Variants in SELENOW observed in about 807,000 individuals in gnomAD.
The protein encoded by SELENOW is selenoprotein W, also known as selenoprotein W, 1.
Under a neutral mutation model 16.6 loss-of-function variants are expected in SELENOW, and 20 were observed. That is an observed-to-expected ratio of 1.21 (90% CI 0.85 to 1.76). The LOEUF (loss-of-function observed/expected upper bound fraction) is 1.76. Among genes scored for constraint, SELENOW ranks in the 40% most tolerant of loss-of-function variants. The pLI is 0.00. For synonymous variants in SELENOW, 44 were observed against 46.2 expected, an observed-to-expected ratio of 0.95 and a Z score of 0.19; for missense variants, 124 against 111.0, an observed-to-expected ratio of 1.12 and a Z score of -0.53.
intron 1 of SELENOW, 85 bp downstream of exon 1, chr19:47,778,899 G>A: frequency 7.3e-7 from 1 of 1,374,552 alleles, no homozygotes; most frequent in Non-Finnish European, 1.0e-6. Flanking sequence ...CCCGGGGAGA[G>A]GACCCATGGG....
chr19:47,779,198 T>G, intron 1 of SELENOW: 1 of 219,950 alleles, frequency 4.5e-6, no homozygotes, highest in Non-Finnish European at 9.0e-6. Context: ...GTGGGGACAG[T>G]GAGAGCCCAG....
In SELENOW at chr19:47,780,759, G is replaced by A; in HGVS notation, c.54+10G>A. 7 of 1,545,510 alleles carry A rather than the reference G, an allele frequency of 4.5e-6. No homozygotes were observed. The highest frequency in any genetic ancestry group is 5.2e-6 in the Non-Finnish European group (6 of 1,143,040). ...AGGCTACAAGTCCAAGGTAAGCAGAGTGGATGCCCGGGGGGCATTCCTGGG... is the reference window on the plus strand; with the variant it reads ...AGGCTACAAGTCCAAGGTAAGCAGAATGGATGCCCGGGGGGCATTCCTGGG... On this transcript the variant is annotated intron_variant, in intron 2 of 5. Transcript: ENST00000601048.
At chr19:47,782,821 T>G (rs989997508) in intron 5 of SELENOW, 2 of 152,234 alleles carry the variant, frequency 1.3e-5, no homozygotes, top group African/African-American at 2.4e-5. Context: ...GTGCTTGGCC[T>G]CCTTAAGCAC....
chr19:47,780,501 C>T (rs943194369), intron 1 of SELENOW: 33 of 584,110 alleles, frequency 5.6e-5, no homozygotes, highest in Non-Finnish European at 9.2e-5. Flanking sequence ...TGTGTGTCCC[C>T]GCGCCACCCC....
In SELENOW at chr19:47,781,305, G is replaced by A; in HGVS notation, c.199G>A (p.Val67Met). 4 of 1,613,628 alleles carry A rather than the reference G, an allele frequency of 2.5e-6. No individual in the cohort carries two copies. Among genetic ancestry groups the A allele is most frequent in the South Asian group, 1.1e-5 (1 of 91,074 alleles). Residue 67 changes from valine (V) to methionine (M), a missense_variant, in exon 5 of 6, where the codon GTG becomes ATG. Val to Met is a conservative substitution (Grantham distance 21). Transcript: ENST00000601048. Reference sequence around the variant, plus strand: ...CCCTCCCTAGAAAGGCGATGGCTACGTGGACACAGAAAGCAAGTTTCTGAA... The same window carrying A: ...CCCTCCCTAGAAAGGCGATGGCTACATGGACACAGAAAGCAAGTTTCTGAA... ...IHSKKKGDGY[V>M]DTESKFLKLV...
rs769630382 is a variant in SELENOW, at chr19:47,781,159, G to A, written c.160G>A (p.Gly54Arg). ...ATGFFEVMVA[G>R]KLIHSKKKGD... ...CGGGTTCTTTGAAGTGATGGTAGCC[G>A]GGAAGTTGATTCACTCTAAGAAGGT... Residue 54 changes from glycine (G) to arginine (R), a missense_variant, in exon 4 of 6, where the codon GGG becomes AGG. Transcript: ENST00000601048. The A allele has an allele frequency of 6.2e-6, 10 of 1,613,648 alleles. No individual in the cohort carries two copies. Among genetic ancestry groups the A allele is most frequent in the African/African-American group, 4.0e-5 (3 of 74,862 alleles).
intron 1 of SELENOW, chr19:47,780,161 A>G: frequency 2.2e-6 from 1 of 453,594 alleles, no homozygotes; most frequent in Non-Finnish European, 4.4e-6. Flanking sequence ...TAATCTCAGC[A>G]CTTTGGGAGG....
chr19:47,782,362 G>C (rs1343301346), intron 5 of SELENOW: 2 of 152,030 alleles, frequency 1.3e-5, no homozygotes, highest in Non-Finnish European at 2.9e-5. Context: ...CCCTAGAGCT[G>C]ACTCCCAGTT....
intron 1 of SELENOW, chr19:47,780,098 G>A (rs1180311336): frequency 2.0e-5 from 9 of 455,912 alleles, no homozygotes; most frequent in African/African-American, 1.8e-4. Context: ...TGGGGACTGG[G>A]AAGGTGTTCA....
At position 47,781,154 on chromosome 19, in the gene SELENOW, T is replaced by C. The variant is rs1353097161; in HGVS notation, c.155T>C (p.Val52Ala). 2 of 1,613,836 alleles carry C rather than the reference T, an allele frequency of 1.2e-6. No homozygotes were observed. The highest frequency in any genetic ancestry group is 1.6e-4 in the Middle Eastern group (1 of 6,062). ...PQATGFFEVM[V>A]AGKLIHSKKK... is the part of the protein sequence containing the mutation. ...GCCACCGGGTTCTTTGAAGTGATGG[T>C]AGCCGGGAAGTTGATTCACTCTAAG... Residue 52 changes from valine to alanine, a missense_variant, in exon 4 of 6, where the codon GTA becomes GCA. Coordinates refer to ENST00000601048, the MANE Select transcript of SELENOW (RefSeq NM_003009.4).
intron 1 of SELENOW, chr19:47,779,965 G>C (rs927740311): frequency 3.3e-6 from 1 of 306,308 alleles, no homozygotes; most frequent in Non-Finnish European, 6.8e-6. Context: ...GCTTTCCAAC[G>C]TCTCTGCCTG....
In SELENOW at chr19:47,780,853, C is replaced by G. The variant is rs376593015; in HGVS notation, c.55-11C>G. ...TATGACCCCTGCTGTGACCTCTCAC[C>G]GCGTTTTCAGTATCTTCAGCTCAAG... On this transcript the variant is annotated splice_polypyrimidine_tract_variant and intron_variant, in intron 2 of 5. Coordinates refer to ENST00000601048, the MANE Select transcript of SELENOW (RefSeq NM_003009.4). 97 of 1,612,232 alleles carry G rather than the reference C, an allele frequency of 6.0e-5. No homozygotes were observed. The highest frequency in any genetic ancestry group is 8.1e-5 in the Non-Finnish European group (95 of 1,179,368).
At chr19:47,780,369 C>T (rs1391173327) in intron 1 of SELENOW, 1 of 401,318 alleles carries the variant, frequency 2.5e-6, no homozygotes, top group African/African-American at 2.1e-5. Context: ...TTCTCCTAAT[C>T]CAGTTCTCCT....
chr19:47,781,499 G>A (rs1967476549), intron 5 of SELENOW, 111 bp downstream of exon 5: 1 of 673,820 alleles, frequency 1.5e-6, no homozygotes, highest in Non-Finnish European at 2.6e-6. Context: ...GACATCACGT[G>A]TGTCCCCAGA....
chr19:47,779,238 C>T (rs10412896), intron 1 of SELENOW: 104,975 of 171,090 alleles, frequency 0.61, 32,439 homozygotes, highest in South Asian at 0.65. Context: ...GCCTGTGTTT[C>T]AGAAGCACTT....
intron 3 of SELENOW, 87 bp from the exon 4 acceptor site, chr19:47,781,021 C>A: frequency 6.4e-7 from 1 of 1,552,218 alleles, no homozygotes; most frequent in South Asian, 1.1e-5. Flanking sequence ...CGCCCTTCAC[C>A]CATGTTCTCA....
intron 1 of SELENOW, chr19:47,780,482 G>A: frequency 1.8e-6 from 1 of 554,064 alleles, no homozygotes. Flanking sequence ...TTGGTTTTCT[G>A]TGTGTCTCTG....
In SELENOW at chr19:47,778,833, G is replaced by A. The variant is rs1257054307; in HGVS notation, c.29+19G>A. 1.9e-6 allele frequency: 3 copies of A among 1,599,066 alleles called. No individual in the cohort carries two copies. Among genetic ancestry groups the A allele is most frequent in the African/African-American group, 2.7e-5 (2 of 74,522 alleles). ...TTTATTGGTAAGCCCAGCGGCCAGCGGCCCCCGTCCCCGACCCCCGCCGGG... is the reference window on the plus strand; with the variant it reads ...TTTATTGGTAAGCCCAGCGGCCAGCAGCCCCCGTCCCCGACCCCCGCCGGG... On this transcript the variant is annotated intron_variant, in intron 1 of 5. Coordinates refer to ENST00000601048, the MANE Select transcript of SELENOW (RefSeq NM_003009.4).
chr19:47,780,385 TC>T, intron 1 of SELENOW: 1 of 423,776 alleles, frequency 2.4e-6, no homozygotes, highest in South Asian at 2.2e-5. Context: ...CTCCTGGTTT[TC>T]CCCCGTCCCC....
Sources: allele counts gnomAD v4.1 joint callset, GRCh38; gene constraint gnomAD v4.1.1; transcripts MANE v1.5; gene names NCBI Gene and HGNC (gene_info 2026-07-23, HGNC 2026-07-21).